USP10: variants seen among roughly 807,000 people sequenced by gnomAD.
USP10 encodes ubiquitin specific peptidase 10, also known as ubiquitin carboxyl-terminal hydrolase 10.
USP10 carries 22 observed loss-of-function variants against 84.5 expected under a neutral mutation model. The observed-to-expected ratio is 0.26, with a 90% CI of 0.19 to 0.37. The LOEUF (loss-of-function observed/expected upper bound fraction) is 0.37, where lower values mean the gene tolerates loss of function less well. Among genes scored for constraint, USP10 ranks in the 10% least tolerant of loss-of-function variants. USP10 has a pLI of 1.00. For synonymous variants in USP10, 454 were observed against 387.6 expected, an observed-to-expected ratio of 1.17 and a Z score of -2.01; for missense variants, 1,019 against 998.9, an observed-to-expected ratio of 1.02 and a Z score of -0.27.
At chr16:84,711,163 A>G (rs1156257350) in intron 1 of USP10, among the ~76,000 whole-genome samples, 1 of 152,184 alleles carries the variant, frequency 6.6e-6, no homozygotes, top group African/African-American at 2.4e-5. Flanking sequence ...CATTAAGTCC[A>G]TGATTATGCC....
rs1031537784 is a variant in USP10, at chr16:84,760,245, G to A, written c.1524G>A (p.Leu508=). 1.9e-6 allele frequency: 3 copies of A among 1,609,848 alleles called. No homozygotes were observed. Among genetic ancestry groups the A allele is most frequent in the Non-Finnish European group, 2.5e-6 (3 of 1,177,932 alleles). Residue 508 remains leucine (L), a synonymous_variant, in exon 8 of 14, where the codon CTG becomes CTA. Coordinates refer to ENST00000219473, the MANE Select transcript of USP10 (RefSeq NM_005153.3). ...AGCCCACATATATTTACAGACTCCT[G>A]ACAGTTAACAAGTCAAGCCTGTCTG... is the stretch of plus-strand genomic sequence containing the variant. ...AFEPTYIYRL[L]TVNKSSLSEK...
At chr16:84,704,466 C>T (rs879029897) in intron 1 of USP10, among the ~76,000 whole-genome samples, 2 of 152,252 alleles carry the variant, frequency 1.3e-5, no homozygotes, top group Admixed American at 6.5e-5. Flanking sequence ...AGTGCCACTT[C>T]AGCAGTGTAG....
chr16:84,733,096 C>T, intron 1 of USP10: 1 of 465,892 alleles, frequency 2.1e-6, no homozygotes, highest in South Asian at 1.5e-5. Context: ...TGGCATGAGT[C>T]AGCAGAAAGG....
intron 4 of USP10, among the ~76,000 whole-genome samples, chr16:84,751,085 C>T (rs1911875728): frequency 6.6e-6 from 1 of 152,192 alleles, no homozygotes; most frequent in Admixed American, 6.5e-5. Flanking sequence ...CGACAGTGGT[C>T]CCATAAGATT....
intron 11 of USP10, among the ~76,000 whole-genome samples, chr16:84,770,278 A>G (rs910080144): frequency 4.6e-5 from 7 of 152,144 alleles, no homozygotes; most frequent in Non-Finnish European, 8.8e-5. Context: ...GACAGCTTGT[A>G]TGGAAGTATC....
Position 84,700,107 on chromosome 16 carries a change from C to T in USP10, c.17C>T (p.Pro6Leu). ...CGGGCAGCCATGGCCCTCCACAGCC[C>T]GCAGGTAGCCGCCGGTCTGCGCCTT... The part of the protein sequence containing the change: MALHS[P>L]QYIFGDFSPD... The change falls in exon 1 of 14, where the codon CCG (proline) becomes CTG (leucine). Residue 6 changes from proline (P) to leucine (L), a missense_variant. By Grantham distance (98) the Pro-to-Leu change is moderately conservative (BLOSUM62 -3). Transcript: ENST00000219473. 7.4e-7 allele frequency: 1 copy of T among 1,352,568 alleles called. No individual in the cohort carries two copies. The highest frequency in any genetic ancestry group is 1.4e-5 in the South Asian group (1 of 69,936). The allele number at this position is 1,352,568 out of a possible 1,614,324, so 83.8% of individuals were successfully genotyped here.
intron 4 of USP10, among the ~76,000 whole-genome samples, chr16:84,755,759 C>G (rs1912459036): frequency 6.6e-6 from 1 of 150,632 alleles, no homozygotes; most frequent in African/African-American, 2.5e-5. Context: ...GATGGTGCCA[C>G]TGCATTCCAG....
In USP10 at chr16:84,737,964, C is replaced by A. The variant is rs1910148977; in HGVS notation, c.91-2345C>A. ...TCCTCAGCGTCATCTGTGTATTTTT[C>A]CCGATTGCTGGGGTTTTCTTCTGCA... On this transcript the variant is annotated intron_variant, in intron 2 of 13. Coordinates refer to ENST00000219473, the MANE Select transcript of USP10 (RefSeq NM_005153.3). Among the ~76,000 whole-genome samples the A allele has an allele frequency of 3.3e-5, 5 of 152,346 alleles. No homozygotes were observed. The South Asian group carries it at 1.0e-3, about 32-fold the overall frequency.
chr16:84,750,646 G>A (rs376574242), intron 4 of USP10, among the ~76,000 whole-genome samples: 31 of 152,230 alleles, frequency 2.0e-4, no homozygotes, highest in East Asian at 1.5e-3. Context: ...TATACTAGAC[G>A]AAATTGTATC....
rs1914591291 is a variant in USP10, at chr16:84,772,752, G to C, written c.2143+67G>C. Reference sequence around the variant, plus strand: ...TCCTGCACATCAGAAGCTCAACCCTGTAGCATTTCTTTATGATGTCAAGAG... The same window carrying C: ...TCCTGCACATCAGAAGCTCAACCCTCTAGCATTTCTTTATGATGTCAAGAG... On this transcript the variant is annotated intron_variant, in intron 12 of 13. Transcript: ENST00000219473. 3.2e-6 allele frequency: 5 copies of C among 1,577,124 alleles called. No homozygotes were observed. The South Asian group carries it at 4.5e-5, about 14-fold the overall frequency.
At chr16:84,769,700 T>A (rs1007054861) in intron 11 of USP10, among the ~76,000 whole-genome samples, 1 of 151,904 alleles carries the variant, frequency 6.6e-6, no homozygotes, top group Admixed American at 6.6e-5. Flanking sequence ...GCTATGGGAG[T>A]CTTTGGCCAC....
intron 2 of USP10, among the ~76,000 whole-genome samples, chr16:84,739,166 C>T (rs543779121): frequency 3.1e-4 from 47 of 151,726 alleles, no homozygotes; most frequent in Admixed American, 3.0e-3. Flanking sequence ...TCACGCCATT[C>T]TCCTGCCTCA....
intron 2 of USP10, among the ~76,000 whole-genome samples, chr16:84,737,321 G>T (rs576091057): frequency 3.3e-5 from 5 of 152,280 alleles, no homozygotes; most frequent in South Asian, 4.1e-4. Context: ...CATTTGTCTA[G>T]GGAATTTTAT....
intron 1 of USP10, among the ~76,000 whole-genome samples, chr16:84,712,708 A>G (rs1226528455): frequency 6.6e-6 from 1 of 152,182 alleles, no homozygotes; most frequent in South Asian, 2.1e-4. Flanking sequence ...TCATTTCTGC[A>G]TTTAGAATGC....
chr16:84,701,366 G>A (rs1339801819), intron 1 of USP10, among the ~76,000 whole-genome samples: 1 of 152,134 alleles, frequency 6.6e-6, no homozygotes, highest in Non-Finnish European at 1.5e-5. Flanking sequence ...TTTGTAAGTA[G>A]TGTAGGTCTT....
intron 1 of USP10, among the ~76,000 whole-genome samples, chr16:84,723,803 CATTT>C (rs1908113484): frequency 6.6e-6 from 1 of 152,204 alleles, no homozygotes; most frequent in Non-Finnish European, 1.5e-5. Context: ...CAGATGTATT[CATTT>C]GTGTAATCAC....
chr16:84,732,998 C>T (rs1468138115), intron 1 of USP10: 6 of 425,014 alleles, frequency 1.4e-5, no homozygotes, highest in Non-Finnish European at 2.3e-5. Context: ...TAACATTTTC[C>T]TTTTTTGGAT....
intron 13 of USP10, among the ~76,000 whole-genome samples, chr16:84,777,080 G>A (rs1597415505): frequency 1.3e-5 from 2 of 152,266 alleles, no homozygotes; most frequent in African/African-American, 4.8e-5. Flanking sequence ...AGAATTACCT[G>A]TAGAGTGAGC....
chr16:84,710,371 C>G (rs893346307), intron 1 of USP10, among the ~76,000 whole-genome samples: 1 of 152,010 alleles, frequency 6.6e-6, no homozygotes, highest in African/African-American at 2.4e-5. Context: ...AGGCTCTCCT[C>G]CATAGCTGGG....
Sources: allele counts gnomAD v4.1 joint callset (sites outside exome capture counted in the v4.1 genomes callset), GRCh38; gene constraint gnomAD v4.1.1; transcripts MANE v1.5; gene names NCBI Gene and HGNC (gene_info 2026-07-23, HGNC 2026-07-21).